The following MARCHF1 variants were observed in gnomAD, a reference collection of about 807,000 sequenced individuals.
MARCHF1 encodes the protein E3 ubiquitin-protein ligase MARCHF1.
Under a neutral mutation model 54.2 loss-of-function variants are expected in MARCHF1, and 40 were observed. The observed-to-expected ratio is 0.74, with a 90% CI of 0.57 to 0.96. The LOEUF is 0.96. Ranked by LOEUF, MARCHF1 falls within the 40% of genes least tolerant of loss-of-function variation. The pLI is 0.00. For missense variants in MARCHF1, 586 were observed against 656.5 expected, an observed-to-expected ratio of 0.89 and a Z score of 1.17; for synonymous variants, 236 against 236.3, an observed-to-expected ratio of 1.00 and a Z score of 0.01.
intron 5 of MARCHF1, among the ~76,000 whole-genome samples, chr4:163,663,028 CA>C (rs1743400658): frequency 1.3e-5 from 2 of 151,864 alleles, no homozygotes; most frequent in Non-Finnish European, 2.9e-5. Flanking sequence ...GTCATGCAAA[CA>C]ATACAAATTT....
At chr4:164,080,661 TG>T (rs1755075927) in intron 2 of MARCHF1, among the ~76,000 whole-genome samples, 3 of 150,726 alleles carry the variant, frequency 2.0e-5, no homozygotes, top group African/African-American at 7.3e-5. Flanking sequence ...TGTGTGTGTG[TG>T]TGTGTGTGTA....
intron 1 of MARCHF1, among the ~76,000 whole-genome samples, chr4:164,312,308 ATTTTCT>A (rs1734872147): frequency 4.0e-5 from 5 of 125,534 alleles, no homozygotes; most frequent in Non-Finnish European, 8.5e-5. Context: ...CCTGTGAATT[ATTTTCT>A]TTTTCTTTTT....
chr4:164,140,529 C>T (rs575479066), intron 1 of MARCHF1, among the ~76,000 whole-genome samples: 4 of 152,226 alleles, frequency 2.6e-5, no homozygotes, highest in African/African-American at 9.6e-5. Flanking sequence ...CTCTTCCTTA[C>T]CCCTCACTAA....
intron 6 of MARCHF1, 65 bp downstream of exon 6, chr4:163,613,249 C>T: frequency 6.7e-7 from 1 of 1,495,820 alleles, no homozygotes; most frequent in South Asian, 1.4e-5. Context: ...ATTCTCAGAA[C>T]AAACAACAAG....
At chr4:163,853,355 C>T (rs1393241901) in intron 4 of MARCHF1, among the ~76,000 whole-genome samples, 1 of 152,034 alleles carries the variant, frequency 6.6e-6, no homozygotes, top group African/African-American at 2.4e-5. Flanking sequence ...TGGAATTTTC[C>T]TCCTTTAAAT....
chr4:163,800,749 C>G (rs1436660764), intron 4 of MARCHF1, among the ~76,000 whole-genome samples: 1 of 152,090 alleles, frequency 6.6e-6, no homozygotes, highest in African/African-American at 2.4e-5. Context: ...AGAAAGTCTT[C>G]AGACTGTACA....
chr4:164,117,760 C>A (rs984216279), intron 1 of MARCHF1, among the ~76,000 whole-genome samples: 1 of 151,814 alleles, frequency 6.6e-6, no homozygotes, highest in East Asian at 1.9e-4. Context: ...ATTAGGTGGG[C>A]ATGATGGTGG....
At chr4:163,835,048 A>G (rs934744727) in intron 4 of MARCHF1, among the ~76,000 whole-genome samples, 1 of 152,068 alleles carries the variant, frequency 6.6e-6, no homozygotes, top group African/African-American at 2.4e-5. Context: ...ATGCCTGGCT[A>G]ATTTTTAAAT....
intron 1 of MARCHF1, among the ~76,000 whole-genome samples, chr4:164,376,315 A>G (rs937387592): frequency 6.6e-6 from 1 of 152,176 alleles, no homozygotes; most frequent in Non-Finnish European, 1.5e-5. Flanking sequence ...CTGAAAATAC[A>G]TGTTTTATCT....
intron 4 of MARCHF1, among the ~76,000 whole-genome samples, chr4:163,850,711 C>T (rs1258565344): frequency 2.0e-5 from 3 of 152,116 alleles, no homozygotes; most frequent in East Asian, 1.9e-4. Context: ...AAACTCTTGG[C>T]AAAACTGCTG....
chr4:163,866,443 G>A (rs756506147), intron 3 of MARCHF1, among the ~76,000 whole-genome samples: 14 of 96,150 alleles, frequency 1.5e-4, no homozygotes, highest in Admixed American at 9.1e-4. Flanking sequence ...ATGGAATTAC[G>A]TGTTCTGATT....
chr4:164,178,961 A>T (rs1206597020), intron 1 of MARCHF1, among the ~76,000 whole-genome samples: 18 of 152,134 alleles, frequency 1.2e-4, no homozygotes. Flanking sequence ...CAACCCCGAG[A>T]TGAAATGATA....
intron 4 of MARCHF1, among the ~76,000 whole-genome samples, chr4:163,821,071 C>T (rs1386790431): frequency 6.6e-6 from 1 of 152,088 alleles, no homozygotes; most frequent in Non-Finnish European, 1.5e-5. Flanking sequence ...ACTTGATCAA[C>T]TTGTTCTGTT....
chr4:164,163,626 T>G (rs11946737), intron 1 of MARCHF1, among the ~76,000 whole-genome samples: 29,012 of 151,396 alleles, frequency 0.19, 4,407 homozygotes, highest in African/African-American at 0.41. Context: ...ACTGGAAAAA[T>G]AAAGAGAAAT....
intron 1 of MARCHF1, among the ~76,000 whole-genome samples, chr4:164,150,155 T>C (rs1180210237): frequency 1.3e-5 from 2 of 152,216 alleles, no homozygotes. Flanking sequence ...CAGAGATTAA[T>C]TCCTATTTAG....
chr4:163,773,190 G>A (rs1048614317), intron 4 of MARCHF1, among the ~76,000 whole-genome samples: 1 of 152,098 alleles, frequency 6.6e-6, no homozygotes, highest in East Asian at 1.9e-4. Flanking sequence ...TATGAAAGGC[G>A]GAGCAGTCAC....
chr4:163,706,328 A>C (rs1212380034), intron 4 of MARCHF1, among the ~76,000 whole-genome samples: 2 of 152,050 alleles, frequency 1.3e-5, no homozygotes, highest in African/African-American at 2.4e-5. Context: ...CATAATGAAA[A>C]GCCTTCTGCC....
chr4:163,897,642 G>C (rs1013070594), intron 3 of MARCHF1, among the ~76,000 whole-genome samples: 1 of 152,036 alleles, frequency 6.6e-6, no homozygotes, highest in Admixed American at 6.6e-5. Context: ...TTCAATAAAA[G>C]GTGCTGGGAA....
At chr4:163,890,805 C>T (rs539163421) in intron 3 of MARCHF1, among the ~76,000 whole-genome samples, 2 of 152,156 alleles carry the variant, frequency 1.3e-5, no homozygotes, top group South Asian at 2.1e-4. Flanking sequence ...CACCGGAACC[C>T]GGCCTCCCCA....
Sources: allele counts gnomAD v4.1 joint callset (sites outside exome capture counted in the v4.1 genomes callset), GRCh38; gene constraint gnomAD v4.1.1; transcripts MANE v1.5; gene names NCBI Gene and HGNC (gene_info 2026-07-23, HGNC 2026-07-21).